Variants in MALT1 observed in about 807,000 individuals in gnomAD.
The protein encoded by MALT1 is mucosa-associated lymphoid tissue lymphoma translocation protein 1.
In MALT1, 36 loss-of-function variants were observed where a neutral mutation model predicts 85.5. The ratio of observed to expected loss-of-function variants is 0.42; its 90% CI spans 0.32 to 0.56. The LOEUF is 0.56. Ranked by LOEUF, MALT1 falls within the 20% of genes least tolerant of loss-of-function variation. MALT1 has a pLI of 0.10. For synonymous variants in MALT1, 359 were observed against 361.3 expected, an observed-to-expected ratio of 0.99 and a Z score of 0.07; for missense variants, 716 against 981.6, an observed-to-expected ratio of 0.73 and a Z score of 3.62.
intron 10 of MALT1, among the ~76,000 whole-genome samples, chr18:58,730,397 A>C (rs2055131012): frequency 1.3e-5 from 2 of 152,234 alleles, no homozygotes; most frequent in Non-Finnish European, 2.9e-5. Flanking sequence ...ATATAAATGG[A>C]ATCACCCAAT....
intron 13 of MALT1, among the ~76,000 whole-genome samples, chr18:58,737,670 C>T (rs62093472): frequency 0.17 from 25,575 of 152,078 alleles, 2,717 homozygotes; most frequent in East Asian, 0.29. Flanking sequence ...GCAACGTCCA[C>T]CTCCCAGGTT....
At chr18:58,715,890 A>G (rs1427228615) in intron 8 of MALT1, 45 bp from the exon 9 acceptor site, 2 of 1,339,270 alleles carry the variant, frequency 1.5e-6, no homozygotes, top group Non-Finnish European at 2.1e-6. Flanking sequence ...AACTCTGGAA[A>G]TATACCATGG....
intron 4 of MALT1, among the ~76,000 whole-genome samples, chr18:58,704,569 A>G (rs1250767047): frequency 6.6e-6 from 1 of 151,966 alleles, no homozygotes; most frequent in Non-Finnish European, 1.5e-5. Context: ...TCATCCTCCT[A>G]CCTCAGCCTC....
intron 9 of MALT1, among the ~76,000 whole-genome samples, chr18:58,717,383 A>G (rs2054917782): frequency 6.6e-6 from 1 of 151,154 alleles, no homozygotes; most frequent in African/African-American, 2.4e-5. Context: ...AAAAAGATTG[A>G]GGGAAAAAGA....
rs1261519084 is a variant in MALT1 at position 58,750,824 on chromosome 18, T to TA, written c.*2983dup. The TA allele has an allele frequency of 2.0e-5, 3 of 152,180 alleles. No homozygotes were observed. The highest frequency in any genetic ancestry group is 4.4e-5 in the Non-Finnish European group (3 of 68,038). The allele number at this position is 152,180 out of a possible 1,614,324, so 9.4% of individuals were successfully genotyped here. A position where few individuals can be genotyped will look rare whatever the true frequency, so the allele number is the denominator to read the frequency against. On this transcript the variant is annotated 3_prime_UTR_variant, in exon 17 of 17. Transcript: ENST00000649217. ...GATGTTGGGCTTAGGAATGGTTTCTTAGACATAATACCAAAAGCACAAGCA... is the reference window on the plus strand; with the variant it reads ...GATGTTGGGCTTAGGAATGGTTTCTTAAGACATAATACCAAAAGCACAAGCA...
At chr18:58,708,885 A>G (rs562597090) in intron 4 of MALT1, among the ~76,000 whole-genome samples, 9 of 152,342 alleles carry the variant, frequency 5.9e-5, no homozygotes, top group African/African-American at 2.2e-4. Context: ...AATGATGTCT[A>G]ATATCTGCCT....
intron 14 of MALT1, among the ~76,000 whole-genome samples, chr18:58,742,563 C>G (rs879690784): frequency 6.6e-6 from 1 of 152,074 alleles, no homozygotes; most frequent in Non-Finnish European, 1.5e-5. Flanking sequence ...AAAAAGTTAG[C>G]GGGGTGTGGT....
chr18:58,694,788 C>T (rs1602293656), intron 2 of MALT1, among the ~76,000 whole-genome samples: 4 of 152,198 alleles, frequency 2.6e-5, no homozygotes, highest in African/African-American at 4.8e-5. Context: ...AGACTGTCAG[C>T]CAGGTCTGCA....
Position 58,723,178 on chromosome 18 carries a change from G to C in MALT1, c.1149G>C (p.Leu383=), listed in dbSNP as rs2055007889. The change falls in exon 10 of 17, where the codon CTG becomes CTC. Residue 383 remains leucine (L), a synonymous_variant. Transcript: ENST00000649217. ...LRQLDFKVVS[L]LDLTEYEMRN... Reference sequence around the variant, plus strand: ...AGCTGGACTTCAAAGTGGTTTCACTGTTGGATCTTACTGAATATGAGATGC... The same window carrying C: ...AGCTGGACTTCAAAGTGGTTTCACTCTTGGATCTTACTGAATATGAGATGC... 1.2e-6 allele frequency: 2 copies of C among 1,613,952 alleles called. No individual in the cohort carries two copies. Among genetic ancestry groups the C allele is most frequent in the Non-Finnish European group, 1.7e-6 (2 of 1,179,886 alleles).
At chr18:58,726,547 A>G (rs2055057356) in intron 10 of MALT1, among the ~76,000 whole-genome samples, 1 of 152,144 alleles carries the variant, frequency 6.6e-6, no homozygotes, top group Non-Finnish European at 1.5e-5. Context: ...TTTATATTAT[A>G]TTGCACGCAG....
chr18:58,702,979 T>C (rs1273310103), intron 4 of MALT1, among the ~76,000 whole-genome samples: 1 of 152,198 alleles, frequency 6.6e-6, no homozygotes, highest in African/African-American at 2.4e-5. Context: ...AAAACACTTT[T>C]TGTTAAAAGA....
At chr18:58,673,301 G>A (rs999324743) in intron 1 of MALT1, among the ~76,000 whole-genome samples, 5 of 152,058 alleles carry the variant, frequency 3.3e-5, no homozygotes, top group African/African-American at 9.7e-5. Context: ...CTATTATTTG[G>A]GGACCTTTAC....
At chr18:58,731,116 T>A (rs1006325754) in intron 10 of MALT1, among the ~76,000 whole-genome samples, 2 of 152,084 alleles carry the variant, frequency 1.3e-5, no homozygotes, top group Non-Finnish European at 2.9e-5. Context: ...CACACTTAGC[T>A]GGATTTTTGT....
At chr18:58,702,622 CATATA>C (rs1387729634) in intron 4 of MALT1, among the ~76,000 whole-genome samples, 5 of 152,172 alleles carry the variant, frequency 3.3e-5, no homozygotes, top group African/African-American at 4.8e-5. Flanking sequence ...AAAAAACTCT[CATATA>C]GTAGTCTTGC....
intron 14 of MALT1, among the ~76,000 whole-genome samples, chr18:58,742,537 T>TA (rs1157375185): frequency 6.6e-6 from 1 of 152,100 alleles, no homozygotes; most frequent in Admixed American, 6.5e-5. Context: ...CAAAACCTCG[T>TA]CTCTACTAAA....
At chr18:58,683,026 CT>C (rs1568123757) in intron 2 of MALT1, among the ~76,000 whole-genome samples, 1 of 152,180 alleles carries the variant, frequency 6.6e-6, no homozygotes, top group Non-Finnish European at 1.5e-5. Context: ...AGTAAACTTT[CT>C]TTTTTAAACC....
At chr18:58,695,326 G>A (rs922355050) in intron 2 of MALT1, among the ~76,000 whole-genome samples, 1 of 152,204 alleles carries the variant, frequency 6.6e-6, no homozygotes, top group Non-Finnish European at 1.5e-5. Flanking sequence ...GCTTCCCTGG[G>A]GCGAGTGAGT....
At chr18:58,705,036 C>T (rs576453790) in intron 4 of MALT1, among the ~76,000 whole-genome samples, 12 of 152,218 alleles carry the variant, frequency 7.9e-5, no homozygotes, top group Admixed American at 5.2e-4. Context: ...TGAGCCACCG[C>T]GCCCGGCCAA....
At position 58,747,784 on chromosome 18, in the gene MALT1, A is replaced by G; in HGVS notation, c.2417A>G (p.Glu806Gly). ...TTTAGTAGAAGTAATGTGCCAGTAG[A>G]GACAACTGATGAAATACCATTTAGT... ...CHFSRSNVPV[E>G]TTDEIPFSFS... is the part of the protein sequence containing the mutation. Residue 806 changes from glutamate (E) to glycine (G), a missense_variant, in exon 17 of 17, where the codon GAG (glutamate) becomes GGG (glycine). This residue lies in a region of MALT1 where 260 missense variants were observed against 323.7 expected (regional missense o/e 0.80). Transcript: ENST00000649217. The G allele has an allele frequency of 6.2e-7, 1 of 1,614,146 alleles. No individual in the cohort carries two copies. Among genetic ancestry groups the G allele is most frequent in the Non-Finnish European group, 8.5e-7 (1 of 1,179,992 alleles).
Sources: gnomAD v4.1 joint callset for allele counts (sites outside exome capture counted in the v4.1 genomes callset) on GRCh38, gnomAD v4.1.1 for gene constraint, gnomAD v4.1.1 regional missense constraint, MANE v1.5 for transcripts, NCBI Gene and HGNC (gene_info 2026-07-23, HGNC 2026-07-21) for gene names.